Variants in CMYA5 observed in about 807,000 individuals in gnomAD.
CMYA5 encodes the protein cardiomyopathy associated 5.
CMYA5 carries 246 observed loss-of-function variants against 318.9 expected under a neutral mutation model. The ratio of observed to expected loss-of-function variants is 0.77; its 90% CI spans 0.70 to 0.86. CMYA5 has a LOEUF of 0.86. Among genes scored for constraint, CMYA5 ranks in the 40% least tolerant of loss-of-function variants. The pLI, the probability that CMYA5 is intolerant of heterozygous loss-of-function variation, is 0.00. For synonymous variants in CMYA5, 1,641 were observed against 1,729.5 expected (o/e 0.95, Z 1.27); for missense variants, 4,589 against 4,678.2 (o/e 0.98, Z 0.56).
At chr5:79,720,118 C>T (rs1041812782) in intron 1 of CMYA5, among the ~76,000 whole-genome samples, 5 of 152,148 alleles carry the variant, frequency 3.3e-5, no homozygotes, top group African/African-American at 1.2e-4. Context: ...GAGGCAGAAG[C>T]AATATTTGAA....
rs1186766841 is a variant in CMYA5, at chr5:79,732,710, G to A, written c.3945G>A (p.Val1315=). The A allele has an allele frequency of 8.7e-6, 14 of 1,613,534 alleles. No individual in the cohort carries two copies. The highest frequency in any genetic ancestry group is 1.2e-5 in the Non-Finnish European group (14 of 1,179,732). ...CCAAAATAACAACTACACCTATAGT[G>A]CTTCATTCAGCTTCCTCAGGAGTGG... ...HDSKITTTPI[V]LHSASSGVEK... is the part of the protein sequence containing the mutation. Residue 1315 remains valine (V), a synonymous_variant, in exon 2 of 13, where the codon GTG becomes GTA. Coordinates refer to ENST00000446378, the MANE Select transcript of CMYA5 (RefSeq NM_153610.5).
rs770253474 is a variant in CMYA5, at chr5:79,733,500, G to C, written c.4735G>C (p.Gly1579Arg). 3 of 1,613,810 alleles carry C rather than the reference G, an allele frequency of 1.9e-6. No homozygotes were observed. The highest frequency in any genetic ancestry group is 2.2e-5 in the South Asian group (2 of 91,082). ...SSPELENLAS[G>R]LAPTLLLLSD... ...TCCTGAGTTGGAAAATTTAGCATCA[G>C]GTTTAGCCCCAACATTACTGCTCCT... Residue 1579 changes from glycine (G) to arginine (R), a missense_variant, in exon 2 of 13, where the codon GGT becomes CGT. This residue lies in a region of CMYA5 where 2,132 missense variants were observed against 2,131.3 expected (regional missense o/e 1.00). Transcript: ENST00000446378.
rs35461782 is a variant in CMYA5 at position 79,778,811 on chromosome 5, C to CTG, written c.11556-10136_11556-10135dup. Among the ~76,000 whole-genome samples, 550 of 85,002 alleles carry CTG rather than the reference C, an allele frequency of 6.5e-3. 40 individuals are homozygous for CTG. The highest frequency in any genetic ancestry group is 0.052 in the Middle Eastern group (10 of 194). 55.8% of individuals were successfully genotyped at this position (85,002 alleles called of 152,430 possible). On this transcript the variant is annotated intron_variant, in intron 9 of 12. Coordinates refer to ENST00000446378, the MANE Select transcript of CMYA5 (RefSeq NM_153610.5). ...ATGCCGCCTGCCCCCCTCTCTCTTT[C>CTG]TGTGTGTGTGTGTGTGTGTGTGTGT...
chr5:79,762,394 C>G (rs1440605382), intron 8 of CMYA5: 2 of 157,016 alleles, frequency 1.3e-5, no homozygotes, highest in African/African-American at 4.8e-5. Flanking sequence ...ATGGAGTGTG[C>G]AGGACACTGT....
intron 1 of CMYA5, among the ~76,000 whole-genome samples, chr5:79,700,784 C>T (rs77354003): frequency 0.021 from 3,221 of 152,036 alleles, 115 homozygotes; most frequent in African/African-American, 0.073. Context: ...GAGATCATTA[C>T]GTTAAGGGAA....
At chr5:79,769,842 C>G (rs1828821673) in intron 9 of CMYA5, among the ~76,000 whole-genome samples, 1 of 152,174 alleles carries the variant, frequency 6.6e-6, no homozygotes, top group South Asian at 2.1e-4. Flanking sequence ...GCTGGGAGAT[C>G]TGCTGCTCTC....
intron 9 of CMYA5, among the ~76,000 whole-genome samples, chr5:79,770,153 C>G (rs1359277173): frequency 2.6e-5 from 4 of 152,192 alleles, no homozygotes; most frequent in Non-Finnish European, 5.9e-5. Context: ...GCCCCTCCCC[C>G]CACCAAGCTC....
chr5:79,713,423 A>G (rs1013610604), intron 1 of CMYA5, among the ~76,000 whole-genome samples: 1 of 152,072 alleles, frequency 6.6e-6, no homozygotes, highest in Non-Finnish European at 1.5e-5. Flanking sequence ...GGTCTGAAGC[A>G]GTCACTAAGC....
At chr5:79,696,794 T>G (rs1158277741) in intron 1 of CMYA5, among the ~76,000 whole-genome samples, 1 of 152,082 alleles carries the variant, frequency 6.6e-6, no homozygotes, top group African/African-American at 2.4e-5. Flanking sequence ...TCACCTGAGG[T>G]CAGGAGTTCG....
chr5:79,753,226 T>C lies in CMYA5; in HGVS notation c.11110+432T>C, dbSNP rs550692809. Among the ~76,000 whole-genome samples the C allele has an allele frequency of 5.3e-5, 8 of 152,248 alleles. No individual in the cohort carries two copies. The East Asian group carries it at 1.5e-3, about 29-fold the overall frequency. The stretch of plus-strand genomic sequence containing the variant: ...CCTCTTCAATTCAGTTCTTTTCCCC[T>C]TTTTTCAAACTAAACAGATGAGCTT... On this transcript the variant is annotated intron_variant, in intron 6 of 12. Coordinates refer to ENST00000446378, the MANE Select transcript of CMYA5 (RefSeq NM_153610.5).
intron 1 of CMYA5, among the ~76,000 whole-genome samples, chr5:79,719,026 T>C (rs1827570063): frequency 6.6e-6 from 1 of 152,170 alleles, no homozygotes; most frequent in African/African-American, 2.4e-5. Context: ...TCCCTGTTGT[T>C]AAGTGACACG....
At chr5:79,799,044 C>G (rs1432813586) in intron 12 of CMYA5, among the ~76,000 whole-genome samples, 4 of 152,114 alleles carry the variant, frequency 2.6e-5, no homozygotes, top group Admixed American at 6.6e-5. Context: ...GAATGACACG[C>G]CATGAATGCG....
Position 79,732,081 on chromosome 5 carries a change from T to C in CMYA5, c.3316T>C (p.Tyr1106His), listed in dbSNP as rs1827924222. The C allele has an allele frequency of 6.2e-7, 1 of 1,613,980 alleles. No homozygotes were observed. Among genetic ancestry groups the C allele is most frequent in the African/African-American group, 1.3e-5 (1 of 75,060 alleles). The change falls in exon 2 of 13, where the codon TAT (tyrosine) becomes CAT (histidine). Residue 1106 changes from tyrosine to histidine, a missense_variant. Tyr to His is a moderately conservative substitution (Grantham distance 83). Transcript: ENST00000446378. ...AACAACCTCAACATCTGTATCTGAA[T>C]ATCTCATTTTGGCACAGAAGCAGAA... ...IPTTSTSVSEYLILAQKQKTQ... is the reference protein window; with the variant it reads ...IPTTSTSVSEHLILAQKQKTQ...
At position 79,745,400 on chromosome 5, in the gene CMYA5, C is replaced by T. The variant is rs1272394536; in HGVS notation, c.10913C>T (p.Thr3638Ile). The T allele has an allele frequency of 1.2e-6, 2 of 1,613,968 alleles. No individual in the cohort carries two copies. The highest frequency in any genetic ancestry group is 1.1e-5 in the South Asian group (1 of 91,092). The change falls in exon 4 of 13, where the codon ACC (threonine) becomes ATC (isoleucine). Residue 3638 changes from threonine (T) to isoleucine (I), a missense_variant. Thr to Ile is a moderately conservative substitution (Grantham distance 89). This residue lies in a region of CMYA5 where 2,431 missense variants were observed against 2,495.1 expected (regional missense o/e 0.97). Coordinates refer to ENST00000446378, the MANE Select transcript of CMYA5 (RefSeq NM_153610.5). ...CAGAGCATGGACACTGCCAAAGACACCCTGGAGACCATCGTGAGAGAAGCA... is the reference window on the plus strand; with the variant it reads ...CAGAGCATGGACACTGCCAAAGACATCCTGGAGACCATCGTGAGAGAAGCA... ...FLQSMDTAKD[T>I]LETIVREAEE...
At chr5:79,748,438 G>A (rs1299316506) in intron 5 of CMYA5, among the ~76,000 whole-genome samples, 8 of 152,124 alleles carry the variant, frequency 5.3e-5, no homozygotes, top group African/African-American at 4.8e-5. Context: ...TCTCACAGAC[G>A]AGTCTAAGAC....
chr5:79,737,693 A>T lies in CMYA5; in HGVS notation c.8928A>T (p.Lys2976Asn), dbSNP rs1828109881. ...AAGAAAGTGAACAAATGCAAGATAA[A>T]TTAGAATATTTGGAAGAGAAAGCCT... ...DQEESEQMQD[K>N]LEYLEEKASF... The change falls in exon 2 of 13, where the codon AAA becomes AAT. Residue 2976 changes from lysine (K) to asparagine (N), a missense_variant. This residue lies in a region of CMYA5 where 2,431 missense variants were observed against 2,495.1 expected (regional missense o/e 0.97). Transcript: ENST00000446378. The T allele has an allele frequency of 3.1e-6, 5 of 1,612,504 alleles. No homozygotes were observed. Among genetic ancestry groups the T allele is most frequent in the Non-Finnish European group, 4.2e-6 (5 of 1,179,488 alleles).
chr5:79,693,154 T>C (rs1045187756), intron 1 of CMYA5, among the ~76,000 whole-genome samples: 6 of 152,130 alleles, frequency 3.9e-5, no homozygotes, highest in Non-Finnish European at 5.9e-5. Context: ...ATAGTGCTTG[T>C]AGTTTGTGGA....
intron 9 of CMYA5, among the ~76,000 whole-genome samples, chr5:79,768,299 A>C (rs953450999): frequency 3.9e-5 from 6 of 152,168 alleles, no homozygotes; most frequent in Non-Finnish European, 7.3e-5. Flanking sequence ...GCCTGTTTAC[A>C]TTTAAGGTTA....
rs866624776 is a variant in CMYA5, at chr5:79,795,533, C to T, written c.11963+1923C>T. Among the ~76,000 whole-genome samples the T allele has an allele frequency of 8.5e-5, 13 of 152,148 alleles. 1 individual carries two copies. Among genetic ancestry groups the T allele is most frequent in the Non-Finnish European group, 1.8e-4 (12 of 68,030 alleles). ...TGCAGTTTCAGCAGCAGCCACCCAGCCTGCACCCTCACTTCTAGTCTCTAC... is the reference window on the plus strand; with the variant it reads ...TGCAGTTTCAGCAGCAGCCACCCAGTCTGCACCCTCACTTCTAGTCTCTAC... On this transcript the variant is annotated intron_variant, in intron 12 of 12. Transcript: ENST00000446378.
Sources: allele counts gnomAD v4.1 joint callset (sites outside exome capture counted in the v4.1 genomes callset), GRCh38; gene constraint gnomAD v4.1.1; regional missense constraint gnomAD v4.1.1; transcripts MANE v1.5; gene names NCBI Gene and HGNC (gene_info 2026-07-23, HGNC 2026-07-21).